AGBL1: variants seen among roughly 807,000 people sequenced by gnomAD.
AGBL1 encodes the protein AGBL carboxypeptidase 1.
Under a neutral mutation model 118.9 loss-of-function variants are expected in AGBL1, and 130 were observed. That is an observed-to-expected ratio of 1.09 (90% CI 0.95 to 1.26). AGBL1 has a LOEUF of 1.26. AGBL1 is among the 50% of genes most tolerant of loss of function. AGBL1 has a pLI of 0.00. For missense variants in AGBL1, 1,584 were observed against 1,298.1 expected, an observed-to-expected ratio of 1.22 and a Z score of -3.38; for synonymous variants, 555 against 478.9, an observed-to-expected ratio of 1.16 and a Z score of -2.08.
chr15:86,535,093 G>A (rs1297143938), intron 19 of AGBL1, among the ~76,000 whole-genome samples: 2 of 152,142 alleles, frequency 1.3e-5, no homozygotes, highest in East Asian at 1.9e-4. Context: ...GGAGACAAAG[G>A]GGGCTCCCTT....
At chr15:86,577,527 A>G (rs2084108871) in intron 21 of AGBL1, among the ~76,000 whole-genome samples, 1 of 152,238 alleles carries the variant, frequency 6.6e-6, no homozygotes, top group Non-Finnish European at 1.5e-5. Context: ...TGCATAAGTA[A>G]CAAGGAACCA....
intron 1 of AGBL1, among the ~76,000 whole-genome samples, chr15:86,092,363 AG>A (rs931089763): frequency 6.6e-6 from 1 of 152,152 alleles, no homozygotes; most frequent in African/African-American, 2.4e-5. Context: ...TTTTTTAAAG[AG>A]GGGGGATCTC....
In AGBL1 at chr15:86,269,920, T is replaced by C. The variant is rs1231274725; in HGVS notation, c.1840T>C (p.Phe614Leu). Reference protein sequence around the residue: ...NLRKAIQVREFEYDLLVNADV... With the variant: ...NLRKAIQVRELEYDLLVNADV... ...TCCAGTCTTGCTTCTGATCTGCAGG[T>C]TCGAGTATGACTTGCTGGTCAACGC... The change falls in exon 14 of 23, where the codon TTC becomes CTC. Residue 614 changes from phenylalanine to leucine, a missense_variant and splice_region_variant. Phe to Leu is a conservative substitution (Grantham distance 22). Coordinates refer to ENST00000614907, the MANE Select transcript of AGBL1 (RefSeq NM_001386094.1). 7.4e-6 allele frequency: 12 copies of C among 1,613,322 alleles called. No homozygotes were observed. The South Asian group carries it at 9.9e-5, about 13-fold the overall frequency.
intron 5 of AGBL1, among the ~76,000 whole-genome samples, chr15:86,200,295 C>CT (rs1318084966): frequency 2.0e-5 from 3 of 152,096 alleles, no homozygotes; most frequent in African/African-American, 7.2e-5. Flanking sequence ...GGATCAGAGA[C>CT]TTAAAATTTT....
At chr15:86,916,971 A>G (rs1446078868), downstream of AGBL1, among the ~76,000 whole-genome samples, 1 of 152,220 alleles carries the variant, frequency 6.6e-6, no homozygotes, top group African/African-American at 2.4e-5. Flanking sequence ...AAAATAAATA[A>G]TAAAACAAAA....
intron 18 of AGBL1, among the ~76,000 whole-genome samples, chr15:86,459,713 A>G (rs969290313): frequency 6.6e-6 from 1 of 152,132 alleles, no homozygotes; most frequent in African/African-American, 2.4e-5. Flanking sequence ...CAGAAAGGTC[A>G]TATGCTTTTT....
Position 86,554,453 on chromosome 15 carries a change from G to C in AGBL1, c.2910G>C (p.Arg970=). ...AGAAATCTCGAGCTTCCACGGCCCG[G>C]GTGGTGGTGTGGAGAGAGATGGGGG... The part of the protein sequence containing the change: ...LVEKSRASTA[R]VVVWREMGVS... Residue 970 remains arginine (R), a synonymous_variant, in exon 21 of 23, where the codon CGG becomes CGC. Coordinates refer to ENST00000614907, the MANE Select transcript of AGBL1 (RefSeq NM_001386094.1). The C allele has an allele frequency of 1.9e-6, 3 of 1,589,060 alleles. No individual in the cohort carries two copies. Among genetic ancestry groups the C allele is most frequent in the Non-Finnish European group, 1.7e-6 (2 of 1,167,730 alleles).
intron 22 of AGBL1, among the ~76,000 whole-genome samples, chr15:86,730,659 C>T (rs768452029): frequency 3.9e-5 from 6 of 152,030 alleles, no homozygotes; most frequent in Non-Finnish European, 5.9e-5. Context: ...TGAAATTCTT[C>T]ATTTGTCATC....
At chr15:86,486,073 C>T (rs1284788592) in intron 18 of AGBL1, among the ~76,000 whole-genome samples, 1 of 152,086 alleles carries the variant, frequency 6.6e-6, no homozygotes, top group Admixed American at 6.6e-5. Flanking sequence ...TACTTAACCT[C>T]TGCACAGCTT....
chr15:86,835,947 C>T (rs1194950431), intron 22 of AGBL1, among the ~76,000 whole-genome samples: 3 of 152,164 alleles, frequency 2.0e-5, no homozygotes, highest in African/African-American at 7.2e-5. Context: ...AGATCACACA[C>T]ACAAAGTGAA....
chr15:86,679,980 T>C (rs1445308686), intron 22 of AGBL1, among the ~76,000 whole-genome samples: 2 of 152,138 alleles, frequency 1.3e-5, no homozygotes, highest in Non-Finnish European at 2.9e-5. Flanking sequence ...GAGTGAAGTC[T>C]GTGCTTGGTT....
At chr15:86,860,271 C>T (rs940403566) in intron 22 of AGBL1, among the ~76,000 whole-genome samples, 2 of 152,014 alleles carry the variant, frequency 1.3e-5, no homozygotes, top group African/African-American at 4.8e-5. Context: ...GTTTAGTGCC[C>T]AGCACATGGT....
At chr15:86,363,632 C>T (rs2080838553) in intron 17 of AGBL1, among the ~76,000 whole-genome samples, 1 of 152,072 alleles carries the variant, frequency 6.6e-6, no homozygotes, top group Admixed American at 6.5e-5. Context: ...TTTCTTCTTT[C>T]TCTGTATCTC....
intron 22 of AGBL1, among the ~76,000 whole-genome samples, chr15:86,705,844 G>T (rs1303935423): frequency 2.0e-5 from 3 of 151,996 alleles, no homozygotes; most frequent in African/African-American, 7.3e-5. Flanking sequence ...ATTCAGTGAT[G>T]ATTACATCTA....
At chr15:86,092,523 G>A (rs931034339) in intron 1 of AGBL1, among the ~76,000 whole-genome samples, 1 of 152,106 alleles carries the variant, frequency 6.6e-6, no homozygotes, top group Non-Finnish European at 1.5e-5. Context: ...GATAAAATGA[G>A]CTTGTAATGG....
At chr15:86,357,568 C>T (rs1165135998) in intron 17 of AGBL1, among the ~76,000 whole-genome samples, 1 of 152,126 alleles carries the variant, frequency 6.6e-6, no homozygotes, top group Admixed American at 6.5e-5. Flanking sequence ...TTGTGGTTAG[C>T]AAAGTCTAAC....
At chr15:86,182,435 A>G (rs987131896) in intron 5 of AGBL1, among the ~76,000 whole-genome samples, 3 of 151,672 alleles carry the variant, frequency 2.0e-5, no homozygotes, top group African/African-American at 7.3e-5. Context: ...CTAACTATAT[A>G]TTTCTCTCTC....
intron 21 of AGBL1, among the ~76,000 whole-genome samples, chr15:86,669,626 GA>G (rs1257456821): frequency 1.3e-5 from 2 of 152,124 alleles, no homozygotes; most frequent in Non-Finnish European, 2.9e-5. Flanking sequence ...AAGATAAGGA[GA>G]AGATCTTACA....
intron 18 of AGBL1, among the ~76,000 whole-genome samples, chr15:86,429,479 A>G (rs1334332483): frequency 6.6e-6 from 1 of 152,238 alleles, no homozygotes; most frequent in East Asian, 1.9e-4. Flanking sequence ...CAGCCATGCT[A>G]TCAAACTTAA....
Sources: allele counts gnomAD v4.1 joint callset (sites outside exome capture counted in the v4.1 genomes callset), GRCh38; gene constraint gnomAD v4.1.1; transcripts MANE v1.5; gene names NCBI Gene and HGNC (gene_info 2026-07-23, HGNC 2026-07-21).